SLC22A23: variants seen among roughly 807,000 people sequenced by gnomAD.
SLC22A23 encodes solute carrier family 22 member 23.
Under a neutral mutation model 61.0 loss-of-function variants are expected in SLC22A23, and 26 were observed. The ratio of observed to expected loss-of-function variants is 0.43; its 90% CI spans 0.31 to 0.59. SLC22A23 has a LOEUF of 0.59. Ranked by LOEUF, SLC22A23 falls within the 20% of genes least tolerant of loss-of-function variation. The pLI is 0.11. For synonymous variants in SLC22A23, 430 were observed against 413.9 expected, an observed-to-expected ratio of 1.04 and a Z score of -0.47; for missense variants, 796 against 934.7, an observed-to-expected ratio of 0.85 and a Z score of 1.94.
At chr6:3,320,494 C>A (rs1300107357) in intron 4 of SLC22A23, among the ~76,000 whole-genome samples, 1 of 152,180 alleles carries the variant, frequency 6.6e-6, no homozygotes, top group Non-Finnish European at 1.5e-5. Context: ...CGCTGCTGGG[C>A]ACCCTGGTGC....
At chr6:3,323,140 G>A (rs556519067) in intron 4 of SLC22A23, 47 of 412,784 alleles carry the variant, frequency 1.1e-4, no homozygotes, top group African/African-American at 1.8e-4. Context: ...AAAGCTAGCA[G>A]GTCAAAAGAC....
intron 1 of SLC22A23, among the ~76,000 whole-genome samples, chr6:3,428,935 T>C (rs1454465741): frequency 6.6e-6 from 1 of 152,034 alleles, no homozygotes; most frequent in Non-Finnish European, 1.5e-5. Flanking sequence ...AGCATGTTAA[T>C]GTGCATCATG....
intron 5 of SLC22A23, among the ~76,000 whole-genome samples, chr6:3,292,493 G>A (rs925527414): frequency 3.3e-5 from 5 of 151,956 alleles, no homozygotes; most frequent in African/African-American, 9.7e-5. Flanking sequence ...TGCTCTCCTC[G>A]AGACAGAGGA....
At chr6:3,299,804 T>C (rs577893931) in intron 4 of SLC22A23, among the ~76,000 whole-genome samples, 3 of 148,494 alleles carry the variant, frequency 2.0e-5, no homozygotes, top group African/African-American at 7.9e-5. Flanking sequence ...AACAGGCAGC[T>C]GACCCTTGAC....
At chr6:3,450,357 A>G (rs1324130870) in intron 1 of SLC22A23, among the ~76,000 whole-genome samples, 1 of 152,160 alleles carries the variant, frequency 6.6e-6, no homozygotes, top group Non-Finnish European at 1.5e-5. Flanking sequence ...CTCAGGCTGG[A>G]GTGCAGTGGA....
intron 3 of SLC22A23, among the ~76,000 whole-genome samples, chr6:3,335,914 C>T (rs1763827008): frequency 6.6e-6 from 1 of 152,104 alleles, no homozygotes; most frequent in Non-Finnish European, 1.5e-5. Context: ...ACGGTGAAAT[C>T]CCGTCTCTAC....
chr6:3,303,107 G>A (rs1761735447), intron 4 of SLC22A23: 1 of 152,066 alleles, frequency 6.6e-6, no homozygotes, highest in Non-Finnish European at 1.5e-5. Context: ...ATTAAAAAAA[G>A]CTCAACATCA....
At chr6:3,384,103 T>C (rs1202545396) in intron 3 of SLC22A23, among the ~76,000 whole-genome samples, 1 of 152,218 alleles carries the variant, frequency 6.6e-6, no homozygotes, top group African/African-American at 2.4e-5. Flanking sequence ...GGTGCTTCAT[T>C]ATCATAGCAG....
chr6:3,281,018 A>G (rs1759430059), intron 9 of SLC22A23, among the ~76,000 whole-genome samples: 1 of 152,174 alleles, frequency 6.6e-6, no homozygotes, highest in South Asian at 2.1e-4. Context: ...GGCGGGTGTC[A>G]TGATCACCAG....
At chr6:3,424,818 A>G (rs1432358943) in intron 1 of SLC22A23, among the ~76,000 whole-genome samples, 1 of 152,236 alleles carries the variant, frequency 6.6e-6, no homozygotes, top group Admixed American at 6.5e-5. Context: ...AACAACTGAA[A>G]CAGAGCCCAC....
chr6:3,338,855 T>C (rs769358567), intron 3 of SLC22A23, among the ~76,000 whole-genome samples: 3 of 152,240 alleles, frequency 2.0e-5, no homozygotes, highest in Non-Finnish European at 4.4e-5. Flanking sequence ...CTTGCTCTTG[T>C]CTGAGAACAT....
rs370243415 is a variant in SLC22A23 at position 3,452,420 on chromosome 6, C to T, written c.654+3486G>A. ...CCAGCCTGGGCAATATAGCAAGACC[C>T]CCCTCTCTACAAAAAAATAAAAATA... On this transcript the variant is annotated intron_variant, in intron 1 of 9. Transcript: ENST00000406686. Among the ~76,000 whole-genome samples the T allele has an allele frequency of 7.9e-5, 12 of 151,648 alleles. No homozygotes were observed. The South Asian group carries it at 2.5e-3, about 32-fold the overall frequency.
chr6:3,381,417 CAACT>C (rs1415292308), intron 3 of SLC22A23, among the ~76,000 whole-genome samples: 2 of 152,204 alleles, frequency 1.3e-5, no homozygotes, highest in Admixed American at 6.5e-5. Flanking sequence ...TGGGCAGGAT[CAACT>C]AACTACAGGA....
chr6:3,376,413 T>C (rs913532), intron 3 of SLC22A23, among the ~76,000 whole-genome samples: 121,278 of 152,034 alleles, frequency 0.8, 49,343 homozygotes, highest in African/African-American at 0.96. Context: ...CCTCGCACCT[T>C]CCCTCTGCCT....
At chr6:3,375,626 C>T (rs928800929) in intron 3 of SLC22A23, among the ~76,000 whole-genome samples, 1 of 152,196 alleles carries the variant, frequency 6.6e-6, no homozygotes, top group African/African-American at 2.4e-5. Context: ...GTCTCTCTCA[C>T]CACAGAGGGG....
intron 3 of SLC22A23, among the ~76,000 whole-genome samples, chr6:3,375,463 T>A (rs6911308): frequency 1.3e-5 from 2 of 152,042 alleles, no homozygotes; most frequent in Non-Finnish European, 2.9e-5. Flanking sequence ...ATTCGCTGAC[T>A]ATGGTAGTGG....
intron 9 of SLC22A23, among the ~76,000 whole-genome samples, chr6:3,280,512 T>TTTTTTTTTTTTTTC (rs781526188): frequency 1.3e-4 from 13 of 98,330 alleles, no homozygotes; most frequent in African/African-American, 4.6e-4. Context: ...TTTTTTTTTT[T>TTTTTTTTTTTTTTC]TGAGATGGAG....
intron 3 of SLC22A23, among the ~76,000 whole-genome samples, chr6:3,391,687 C>A (rs942201762): frequency 3.3e-5 from 5 of 151,972 alleles, no homozygotes; most frequent in African/African-American, 1.2e-4. Flanking sequence ...GAGTGGTATG[C>A]GGAGATACAA....
At chr6:3,374,540 G>A (rs1766436321) in intron 3 of SLC22A23, among the ~76,000 whole-genome samples, 1 of 152,196 alleles carries the variant, frequency 6.6e-6, no homozygotes, top group African/African-American at 2.4e-5. Flanking sequence ...TGGAATAAAG[G>A]GTGTGCTTTG....
Sources: allele counts gnomAD v4.1 joint callset (sites outside exome capture counted in the v4.1 genomes callset), GRCh38; gene constraint gnomAD v4.1.1; transcripts MANE v1.5; gene names NCBI Gene and HGNC (gene_info 2026-07-23, HGNC 2026-07-21).